The following ZMYND12 variants were observed in gnomAD, a reference collection of about 807,000 sequenced individuals.
ZMYND12 encodes the protein zinc finger MYND-type containing 12.
Under a neutral mutation model 41.7 loss-of-function variants are expected in ZMYND12, and 32 were observed. The ratio of observed to expected loss-of-function variants is 0.77; its 90% CI spans 0.58 to 1.03. The LOEUF (loss-of-function observed/expected upper bound fraction) is 1.03. ZMYND12 is among the 50% of genes least tolerant of loss of function. The probability of loss-of-function intolerance (pLI) is 0.00; values close to 1 mark genes in which losing one functional copy is unlikely to be tolerated. For missense variants in ZMYND12, 424 were observed against 438.5 expected, an observed-to-expected ratio of 0.97 and a Z score of 0.30; for synonymous variants, 148 against 164.8, an observed-to-expected ratio of 0.90 and a Z score of 0.78.
At chr1:42,440,312 AG>A (rs1642955990) in intron 3 of ZMYND12, among the ~76,000 whole-genome samples, 1 of 152,244 alleles carries the variant, frequency 6.6e-6, no homozygotes, top group South Asian at 2.1e-4. Context: ...AGTCATAAGA[AG>A]GAATGAAGTA....
At chr1:42,444,876 C>A (rs985192587) in intron 3 of ZMYND12, among the ~76,000 whole-genome samples, 1 of 146,886 alleles carries the variant, frequency 6.8e-6, no homozygotes, top group Non-Finnish European at 1.5e-5. Flanking sequence ...GGTGCGATCT[C>A]CTCTCACTGT....
At chr1:42,442,604 G>A (rs1055295280) in intron 3 of ZMYND12, among the ~76,000 whole-genome samples, 3 of 152,128 alleles carry the variant, frequency 2.0e-5, no homozygotes, top group Non-Finnish European at 2.9e-5. Flanking sequence ...CTCTGGGGGC[G>A]AAGCATTGGT....
intron 1 of ZMYND12, among the ~76,000 whole-genome samples, chr1:42,451,789 A>G (rs567889272): frequency 5.8e-4 from 88 of 152,366 alleles, no homozygotes; most frequent in Non-Finnish European, 1.1e-3. Context: ...TGAGTTCCAC[A>G]GGGAATTTAT....
intron 4 of ZMYND12, among the ~76,000 whole-genome samples, chr1:42,439,289 C>T (rs1328686333): frequency 2.1e-5 from 3 of 142,372 alleles, no homozygotes; most frequent in Non-Finnish European, 3.0e-5. Context: ...TTTTTTGAGA[C>T]GAAGTCTTGC....
intron 4 of ZMYND12, among the ~76,000 whole-genome samples, chr1:42,439,094 T>C (rs140548568): frequency 1.5e-3 from 222 of 152,338 alleles, no homozygotes; most frequent in African/African-American, 5.1e-3. Context: ...TTTAAAATAA[T>C]AGCCAAGGTA....
At chr1:42,450,123 C>T (rs1193499040) in intron 1 of ZMYND12, 64 bp from the exon 2 acceptor site, 1 of 1,577,814 alleles carries the variant, frequency 6.3e-7, no homozygotes, top group East Asian at 2.2e-5. Flanking sequence ...TCCATTAACC[C>T]TCCTACTGGC....
intron 3 of ZMYND12, among the ~76,000 whole-genome samples, chr1:42,443,804 G>A (rs1389086202): frequency 6.6e-6 from 1 of 152,134 alleles, no homozygotes; most frequent in African/African-American, 2.4e-5. Context: ...AATGCATGAT[G>A]CTCAATGCAC....
chr1:42,453,214 C>T lies in ZMYND12; in HGVS notation c.110+2674G>A, dbSNP rs180901613. 5.2e-3 allele frequency among the ~76,000 whole-genome samples: 791 copies of T among 151,678 alleles called. 8 individuals are homozygous for T. Among genetic ancestry groups the T allele is most frequent in the African/African-American group, 0.018 (764 of 41,326 alleles). On this transcript the variant is annotated intron_variant, in intron 1 of 7. Coordinates refer to ENST00000372565, the MANE Select transcript of ZMYND12 (RefSeq NM_032257.5). The stretch of plus-strand genomic sequence containing the variant: ...ATCTGGAGAAAAGGAAGCAAAAAAA[C>T]AAAAGGAGAAGGTCTTAAAGAGAAT...
In ZMYND12 at chr1:42,436,464, T is replaced by C. The variant is rs1056297361; in HGVS notation, c.674A>G (p.Tyr225Cys). The C allele has an allele frequency of 8.7e-6, 14 of 1,613,766 alleles. No homozygotes were observed. The highest frequency in any genetic ancestry group is 1.2e-5 in the Non-Finnish European group (14 of 1,179,680). The change falls in exon 5 of 8, where the codon TAT becomes TGT. Residue 225 changes from tyrosine (Y) to cysteine (C), a missense_variant. Coordinates refer to ENST00000372565, the MANE Select transcript of ZMYND12 (RefSeq NM_032257.5). ...GGYFHLANIF[Y>C]DLKKLDLADT... ...TGCCAGGTCCAACTTTTTAAGGTCA[T>C]AGAATATATTAGCCAGGTGGAAGTA...
At chr1:42,435,151 C>T in intron 6 of ZMYND12, 123 bp downstream of exon 6, 1 of 732,576 alleles carries the variant, frequency 1.4e-6, no homozygotes, top group Non-Finnish European at 2.4e-6. Context: ...CCATCAGCAA[C>T]ATGGGGAAGG....
intron 4 of ZMYND12, 116 bp downstream of exon 4, chr1:42,439,740 A>G: frequency 8.8e-7 from 1 of 1,135,404 alleles, no homozygotes; most frequent in Non-Finnish European, 1.2e-6. Context: ...TCAGTTGTAA[A>G]CAGAAAGTTT....
chr1:42,432,685 G>A (rs150812032), intron 7 of ZMYND12, among the ~76,000 whole-genome samples: 1 of 152,094 alleles, frequency 6.6e-6, no homozygotes. Context: ...ATTAATGTTG[G>A]TGTAAGCATT....
intron 6 of ZMYND12, among the ~76,000 whole-genome samples, chr1:42,433,753 C>T (rs1642879515): frequency 6.6e-6 from 1 of 152,196 alleles, no homozygotes; most frequent in East Asian, 1.9e-4. Flanking sequence ...GCCATAGATG[C>T]GTAAGCAACA....
intron 3 of ZMYND12, among the ~76,000 whole-genome samples, chr1:42,445,827 G>C (rs1035213191): frequency 6.6e-6 from 1 of 152,152 alleles, no homozygotes; most frequent in Non-Finnish European, 1.5e-5. Flanking sequence ...AGGGAGGCCA[G>C]AGATGATGTG....
Position 42,437,583 on chromosome 1 carries a change from GGC to G in ZMYND12, c.595-1042_595-1041del, listed in dbSNP as rs575338050. ...GGCTGGAGTGCAGTGGTGCGATCTT[GGC>G]TCACTGCAACCTCGCCTCCCGGGTT... On this transcript the variant is annotated intron_variant, in intron 4 of 7. Coordinates refer to ENST00000372565, the MANE Select transcript of ZMYND12 (RefSeq NM_032257.5). Among the ~76,000 whole-genome samples, 85 of 151,500 alleles carry G rather than the reference GGC, an allele frequency of 5.6e-4. 1 individual carries two copies. The highest frequency in any genetic ancestry group is 1.9e-3 in the African/African-American group (77 of 41,238).
intron 4 of ZMYND12, among the ~76,000 whole-genome samples, chr1:42,437,703 A>G (rs1390164362): frequency 6.8e-6 from 1 of 147,142 alleles, no homozygotes; most frequent in African/African-American, 2.5e-5. Context: ...TTTTTTGGAG[A>G]CTGAGTCTCA....
intron 4 of ZMYND12, among the ~76,000 whole-genome samples, chr1:42,438,837 T>G (rs955342122): frequency 6.6e-6 from 1 of 152,218 alleles, no homozygotes; most frequent in Admixed American, 6.5e-5. Context: ...CCAACCTGCA[T>G]GGAGACTGCA....
At chr1:42,443,395 A>G (rs900571939) in intron 3 of ZMYND12, among the ~76,000 whole-genome samples, 1 of 152,178 alleles carries the variant, frequency 6.6e-6, no homozygotes, top group Non-Finnish European at 1.5e-5. Context: ...GGGTGATTTT[A>G]CTAGTGTATG....
At position 42,430,851 on chromosome 1, in the gene ZMYND12, T is replaced by C. The variant is rs747412683; in HGVS notation, c.983A>G (p.Glu328Gly). Residue 328 changes from glutamate to glycine, a missense_variant, in exon 8 of 8, where the codon GAA (glutamate) becomes GGA (glycine). Glu to Gly is a moderately conservative substitution (Grantham distance 98). Coordinates refer to ENST00000372565, the MANE Select transcript of ZMYND12 (RefSeq NM_032257.5). ...TAGACTGAGGGCCCTCATGCCATAT[T>C]CCTGTGCCTGAAATAGAATTGCAGT... ...YLMMNSSKAQ[E>G]YGMRALSLAK... is the part of the protein sequence containing the mutation. 17 of 1,614,050 alleles carry C rather than the reference T, an allele frequency of 1.1e-5. No individual in the cohort carries two copies. The highest frequency in any genetic ancestry group is 1.4e-5 in the Non-Finnish European group (16 of 1,180,016).
Sources: allele counts gnomAD v4.1 joint callset (sites outside exome capture counted in the v4.1 genomes callset), GRCh38; gene constraint gnomAD v4.1.1; transcripts MANE v1.5; gene names NCBI Gene and HGNC (gene_info 2026-07-23, HGNC 2026-07-21).